The following NLRP5 variants were observed in gnomAD, a reference collection of about 807,000 sequenced individuals.
The protein encoded by NLRP5 is NACHT, LRR and PYD domains-containing protein 5.
In NLRP5, 93 loss-of-function variants were observed where a neutral mutation model predicts 113.1. The observed-to-expected ratio is 0.82, with a 90% CI of 0.70 to 0.98. The LOEUF is 0.98. Ranked by LOEUF, NLRP5 falls within the 50% of genes least tolerant of loss-of-function variation. The probability of loss-of-function intolerance (pLI) is 0.00; values close to 1 mark genes in which losing one functional copy is unlikely to be tolerated. For synonymous variants in NLRP5, 751 were observed against 600.7 expected (o/e 1.25, Z -3.66); for missense variants, 1,808 against 1,514.3 (o/e 1.19, Z -3.22).
At chr19:56,050,286 A>G in intron 11 of NLRP5, 132 bp from the exon 12 acceptor site, 2 of 787,236 alleles carry the variant, frequency 2.5e-6, no homozygotes, top group East Asian at 2.8e-5. Context: ...CAAAAAAAAA[A>G]AAGAAAAAAA....
rs1555765383 is a variant in NLRP5 at position 56,013,596 on chromosome 19, G to GGTTTTT, written c.509-2146_509-2145insGTTTTT. Reference sequence around the variant, plus strand: ...CATTTATCACATGATGGACATTTGGGTTTTTTTTTTTTTTTTTTTTTGCTA... The same window carrying GGTTTTT: ...CATTTATCACATGATGGACATTTGGGGTTTTTTTTTTTTTTTTTTTTTTTTTTGCTA... On this transcript the variant is annotated intron_variant, in intron 3 of 14. Transcript: ENST00000390649. 6.3e-3 allele frequency among the ~76,000 whole-genome samples: 376 copies of GGTTTTT among 59,278 alleles called. 25 individuals are homozygous for GGTTTTT. Among genetic ancestry groups the GGTTTTT allele is most frequent in the South Asian group, 6.7e-3 (11 of 1,634 alleles). The allele number at this position is 59,278 out of a possible 152,430, so 38.9% of individuals were successfully genotyped here. A position where few individuals can be genotyped will look rare whatever the true frequency, so the allele number is the denominator to read the frequency against.
intron 4 of NLRP5, chr19:56,018,895 G>T (rs1982506391): frequency 6.2e-6 from 1 of 161,654 alleles, no homozygotes; most frequent in East Asian, 1.8e-4. Context: ...CAAAGTTCAA[G>T]TTACTCTCCT....
intron 1 of NLRP5, among the ~76,000 whole-genome samples, chr19:56,002,465 T>A (rs954487886): frequency 7.3e-5 from 11 of 151,692 alleles, no homozygotes; most frequent in South Asian, 2.1e-4. Flanking sequence ...TTTTTTTTTT[T>A]AATTTTATTA....
chr19:56,049,181 T>TTTATTTAC (rs946810221), intron 11 of NLRP5, among the ~76,000 whole-genome samples: 42 of 149,494 alleles, frequency 2.8e-4, no homozygotes, highest in African/African-American at 1.0e-3. Flanking sequence ...TATTTATTTA[T>TTTATTTAC]TTATTTATTT....
At chr19:56,043,539 A>ATTATTTTTTT (rs1568498691) in intron 11 of NLRP5, among the ~76,000 whole-genome samples, 1 of 27,032 alleles carries the variant, frequency 3.7e-5, no homozygotes, top group African/African-American at 1.3e-4. Context: ...TTACTCTGCT[A>ATTATTTTTTT]TTCTTTTTTT....
chr19:56,013,583 G>GATGGAC (rs1482147340), intron 3 of NLRP5, among the ~76,000 whole-genome samples: 1 of 65,226 alleles, frequency 1.5e-5, no homozygotes, highest in Non-Finnish European at 3.1e-5. Flanking sequence ...TTTATCACAT[G>GATGGAC]ATGGACATTT....
At chr19:55,997,176 T>C (rs946674747), upstream of NLRP5, among the ~76,000 whole-genome samples, 11 of 152,252 alleles carry the variant, frequency 7.2e-5, no homozygotes, top group East Asian at 2.1e-3. Context: ...CACTTTTTGA[T>C]GGGGTTGTTT....
chr19:56,034,043 T>A (rs1405472758), intron 9 of NLRP5, among the ~76,000 whole-genome samples: 1 of 152,218 alleles, frequency 6.6e-6, no homozygotes, highest in Non-Finnish European at 1.5e-5. Flanking sequence ...GCACTGGGAT[T>A]ATAGGCTTGA....
rs374797616 is a variant in NLRP5 at position 56,027,457 on chromosome 19, C to T, written c.1224C>T (p.Thr408=). 101 of 1,613,582 alleles carry T rather than the reference C, an allele frequency of 6.3e-5. No homozygotes were observed. Among genetic ancestry groups the T allele is most frequent in the East Asian group, 1.8e-4 (8 of 44,884 alleles). Reference sequence around the variant, plus strand: ...TCCCTGAGTCCTTCCTGATCGTCACCGTCAGAGACGTGGGCACAGAGAAGC... The same window carrying T: ...TCCCTGAGTCCTTCCTGATCGTCACTGTCAGAGACGTGGGCACAGAGAAGC... Residue 408 remains threonine, a synonymous_variant, in exon 7 of 15, where the codon ACC becomes ACT. Coordinates refer to ENST00000390649, the MANE Select transcript of NLRP5 (RefSeq NM_153447.4).
At position 56,041,139 on chromosome 19, in the gene NLRP5, T is replaced by C. The variant is rs367726356; in HGVS notation, c.2957+47T>C. ...GCAAGGACTTCCTAGCTTTCTAACATAGCATGGTGTAGCTCTCAAAGCAGA... is the reference window on the plus strand; with the variant it reads ...GCAAGGACTTCCTAGCTTTCTAACACAGCATGGTGTAGCTCTCAAAGCAGA... On this transcript the variant is annotated intron_variant, in intron 11 of 14. Coordinates refer to ENST00000390649, the MANE Select transcript of NLRP5 (RefSeq NM_153447.4). 2.1e-5 allele frequency: 33 copies of C among 1,574,566 alleles called. No homozygotes were observed. The Admixed American group carries it at 2.2e-4, about 10-fold the overall frequency.
At chr19:56,032,521 G>C (rs2123312550) in intron 7 of NLRP5, 90 bp from the exon 8 acceptor site, 1 of 1,235,918 alleles carries the variant, frequency 8.1e-7, no homozygotes, top group Non-Finnish European at 1.1e-6. Context: ...CTCACCTCGA[G>C]AGCTCGGTCC....
At chr19:56,055,684 T>C (rs982873670) in intron 13 of NLRP5, among the ~76,000 whole-genome samples, 2 of 151,412 alleles carry the variant, frequency 1.3e-5, no homozygotes, top group African/African-American at 4.8e-5. Context: ...TAGCTGGGAC[T>C]ACAGGTGCCC....
chr19:55,987,840 C>G, the NLRP5 span: 3 of 1,614,022 alleles, frequency 1.9e-6, no homozygotes, highest in Non-Finnish European at 1.7e-6. Flanking sequence ...ACTCGAATAA[C>G]TAGCTTCTCC....
At chr19:56,013,595 G>GTTTTTTTTTTTTTTTTTTTT (rs1418924718) in intron 3 of NLRP5, among the ~76,000 whole-genome samples, 7 of 30,982 alleles carry the variant, frequency 2.3e-4, no homozygotes, top group Non-Finnish European at 4.0e-4. Flanking sequence ...TGGACATTTG[G>GTTTTTTTTTTTTTTTTTTTT]GTTTTTTTTT....
Position 56,061,793 on chromosome 19 carries a change from C to T in NLRP5, c.*265C>T. The T allele has an allele frequency of 3.0e-6, 1 of 336,288 alleles. No individual in the cohort carries two copies. The highest frequency in any genetic ancestry group is 6.4e-5 in the South Asian group (1 of 15,618). The allele number at this position is 336,288 out of a possible 1,614,324, so 20.8% of individuals were successfully genotyped here. A position where few individuals can be genotyped will look rare whatever the true frequency, so the allele number is the denominator to read the frequency against. Reference sequence around the variant, plus strand: ...GAGCATATAGAGGGAATTAAATAAACACAAAGCATTTGGAAAAGTTGTCAA... The same window carrying T: ...GAGCATATAGAGGGAATTAAATAAATACAAAGCATTTGGAAAAGTTGTCAA... On this transcript the variant is annotated 3_prime_UTR_variant, in exon 15 of 15. Coordinates refer to ENST00000390649, the MANE Select transcript of NLRP5 (RefSeq NM_153447.4).
chr19:56,011,453 C>T (rs923484607), intron 3 of NLRP5, among the ~76,000 whole-genome samples: 3 of 152,040 alleles, frequency 2.0e-5, no homozygotes, highest in African/African-American at 7.2e-5. Flanking sequence ...ATCATGATTG[C>T]ACACTTTCAA....
At chr19:56,037,947 C>G in intron 9 of NLRP5, 78 bp from the exon 10 acceptor site, 3 of 1,467,720 alleles carry the variant, frequency 2.0e-6, no homozygotes, top group Non-Finnish European at 1.9e-6. Flanking sequence ...GCCAGCGCTG[C>G]TGGCGTGTGC....
At chr19:56,014,614 G>T (rs1982335810) in intron 3 of NLRP5, among the ~76,000 whole-genome samples, 1 of 152,066 alleles carries the variant, frequency 6.6e-6, no homozygotes, top group Admixed American at 6.6e-5. Context: ...TATATAGCAT[G>T]AAGTAGAGGG....
At chr19:56,049,202 G>C (rs933420887) in intron 11 of NLRP5, among the ~76,000 whole-genome samples, 1 of 133,888 alleles carries the variant, frequency 7.5e-6, no homozygotes, top group Non-Finnish European at 1.6e-5. Context: ...ATTTAGAGAC[G>C]GAGTTTTACT....
Sources: allele counts gnomAD v4.1 joint callset (sites outside exome capture counted in the v4.1 genomes callset), GRCh38; gene constraint gnomAD v4.1.1; transcripts MANE v1.5; gene names NCBI Gene and HGNC (gene_info 2026-07-23, HGNC 2026-07-21).